Variants in SPATS2L observed in about 807,000 individuals in gnomAD.
SPATS2L encodes spermatogenesis associated serine rich 2 like, also known as SPATS2-like protein.
Under a neutral mutation model 59.6 loss-of-function variants are expected in SPATS2L, and 30 were observed. The observed-to-expected ratio is 0.50, with a 90% CI of 0.38 to 0.68. The LOEUF is 0.68. SPATS2L is among the 30% of genes least tolerant of loss of function. The probability of loss-of-function intolerance (pLI) is 0.00; values close to 1 mark genes in which losing one functional copy is unlikely to be tolerated. For missense variants in SPATS2L, 615 were observed against 700.0 expected (o/e 0.88, Z 1.37); for synonymous variants, 252 against 263.5 (o/e 0.96, Z 0.42).
At chr2:200,398,425 T>G (rs2082421356) in intron 3 of SPATS2L, among the ~76,000 whole-genome samples, 1 of 152,204 alleles carries the variant, frequency 6.6e-6, no homozygotes, top group South Asian at 2.1e-4. Context: ...AAATGCAAAC[T>G]CTAGAATTTC....
intron 12 of SPATS2L, among the ~76,000 whole-genome samples, chr2:200,476,488 C>A (rs1004646439): frequency 2.0e-5 from 3 of 152,244 alleles, no homozygotes; most frequent in Non-Finnish European, 2.9e-5. Context: ...AGGAAATTTT[C>A]CTTGACCCCT....
intron 3 of SPATS2L, among the ~76,000 whole-genome samples, chr2:200,405,468 A>G (rs1304586780): frequency 6.6e-6 from 1 of 152,116 alleles, no homozygotes; most frequent in Non-Finnish European, 1.5e-5. Flanking sequence ...CACCTCATGC[A>G]TATTTTTTGC....
chr2:200,444,781 CT>C (rs1310932077), intron 8 of SPATS2L, among the ~76,000 whole-genome samples: 1 of 152,124 alleles, frequency 6.6e-6, no homozygotes, highest in Admixed American at 6.5e-5. Context: ...GAGTTTCCTC[CT>C]TCCCAACAGA....
intron 2 of SPATS2L, among the ~76,000 whole-genome samples, chr2:200,348,026 CA>C (rs2080577540): frequency 6.6e-6 from 1 of 152,106 alleles, no homozygotes; most frequent in Non-Finnish European, 1.5e-5. Flanking sequence ...CAAATCACAG[CA>C]ATTGTATTTT....
At chr2:200,337,440 G>T (rs374685839) in intron 2 of SPATS2L, among the ~76,000 whole-genome samples, 1 of 152,132 alleles carries the variant, frequency 6.6e-6, no homozygotes, top group Non-Finnish European at 1.5e-5. Context: ...TCCTAACCCC[G>T]AGATTTCTTG....
At chr2:200,310,245 T>C (rs2079150407) in intron 1 of SPATS2L, among the ~76,000 whole-genome samples, 1 of 152,226 alleles carries the variant, frequency 6.6e-6, no homozygotes, top group African/African-American at 2.4e-5. Context: ...ATGAAAAGAC[T>C]TTCCTTTCTT....
chr2:200,440,507 A>G, intron 7 of SPATS2L, 142 bp from the exon 8 acceptor site: 1 of 799,848 alleles, frequency 1.3e-6, no homozygotes, highest in Non-Finnish European at 1.9e-6. Context: ...ACACTGGGTT[A>G]CAAACATTCT....
intron 2 of SPATS2L, 128 bp downstream of exon 2, chr2:200,329,608 T>C (rs1324333966): frequency 8.0e-6 from 6 of 751,916 alleles, no homozygotes; most frequent in Admixed American, 2.3e-5. Context: ...CTCTCAGGGC[T>C]CAACACCAGA....
intron 2 of SPATS2L, among the ~76,000 whole-genome samples, chr2:200,334,004 T>G (rs537628372): frequency 6.6e-6 from 1 of 152,264 alleles, no homozygotes; most frequent in Admixed American, 6.5e-5. Flanking sequence ...TTATAATCCT[T>G]TGGGTATACA....
intron 2 of SPATS2L, among the ~76,000 whole-genome samples, chr2:200,350,207 C>T (rs190144547): frequency 1.2e-4 from 18 of 152,280 alleles, no homozygotes; most frequent in African/African-American, 2.6e-4. Flanking sequence ...GGTGGCCAGA[C>T]GGCTGGCTTC....
Position 200,436,201 on chromosome 2 carries a change from A to G in SPATS2L, c.446-2921A>G, listed in dbSNP as rs140813965. On this transcript the variant is annotated intron_variant, in intron 6 of 12. Transcript: ENST00000409140. The stretch of plus-strand genomic sequence containing the variant: ...TGGTATTTCTGGACTATAATGTTAG[A>G]GGAAAGTCACTGGATACAGTGACTT... Among the ~76,000 whole-genome samples the G allele has an allele frequency of 2.9e-3, 437 of 152,246 alleles. 3 individuals are homozygous for G. Among genetic ancestry groups the G allele is most frequent in the African/African-American group, 1.0e-2 (415 of 41,564 alleles).
At chr2:200,441,473 AAG>A (rs1227798066) in intron 8 of SPATS2L, among the ~76,000 whole-genome samples, 49 of 152,316 alleles carry the variant, frequency 3.2e-4, no homozygotes, top group African/African-American at 1.1e-3. Context: ...TTAAAGACAA[AAG>A]AGAATTTATT....
chr2:200,479,430 A>T lies in SPATS2L; in HGVS notation c.*1399A>T, dbSNP rs958109732. On this transcript the variant is annotated 3_prime_UTR_variant, in exon 13 of 13. Transcript: ENST00000409140. ...GGTAGGCCTGTCTCTTAAACCAATC[A>T]TGAAAGGGGGGAGAGAAGTGAATGG... 1 of 397,454 alleles carries T rather than the reference A, an allele frequency of 2.5e-6. No homozygotes were observed. Among genetic ancestry groups the T allele is most frequent in the Non-Finnish European group, 4.4e-6 (1 of 225,950 alleles). 24.6% of individuals were successfully genotyped at this position (397,454 alleles called of 1,614,324 possible). A position where few individuals can be genotyped will look rare whatever the true frequency, so the allele number is the denominator to read the frequency against.
At chr2:200,342,755 A>G (rs1256551540) in intron 2 of SPATS2L, among the ~76,000 whole-genome samples, 3 of 152,182 alleles carry the variant, frequency 2.0e-5, no homozygotes, top group Non-Finnish European at 4.4e-5. Flanking sequence ...ATAATGAGTT[A>G]TATTTTTCCT....
At chr2:200,457,525 C>T (rs2085931652) in intron 8 of SPATS2L, among the ~76,000 whole-genome samples, 1 of 152,222 alleles carries the variant, frequency 6.6e-6, no homozygotes, top group Non-Finnish European at 1.5e-5. Context: ...ATTTAAAACA[C>T]ACTGACATAC....
chr2:200,325,247 T>C (rs1359516754), intron 1 of SPATS2L, among the ~76,000 whole-genome samples: 3 of 152,232 alleles, frequency 2.0e-5, no homozygotes, highest in African/African-American at 7.2e-5. Context: ...GTGGTTTCTT[T>C]CTCTATCCTC....
chr2:200,322,586 A>G (rs941834314), intron 1 of SPATS2L, among the ~76,000 whole-genome samples: 1 of 152,230 alleles, frequency 6.6e-6, no homozygotes, highest in Non-Finnish European at 1.5e-5. Context: ...TTAAAAAGTC[A>G]GCCATTCGGA....
intron 11 of SPATS2L, among the ~76,000 whole-genome samples, chr2:200,471,424 C>T (rs987103281): frequency 3.9e-5 from 6 of 152,078 alleles, no homozygotes; most frequent in African/African-American, 1.2e-4. Flanking sequence ...CTGTCACCAC[C>T]GATCTCGGGG....
At chr2:200,447,558 C>T (rs369580510) in intron 8 of SPATS2L, among the ~76,000 whole-genome samples, 1 of 152,108 alleles carries the variant, frequency 6.6e-6, no homozygotes, top group Non-Finnish European at 1.5e-5. Flanking sequence ...GCTGTGACAA[C>T]AAGCAAATTT....
Sources: gnomAD v4.1 joint callset for allele counts (sites outside exome capture counted in the v4.1 genomes callset) on GRCh38, gnomAD v4.1.1 for gene constraint, MANE v1.5 for transcripts, NCBI Gene and HGNC (gene_info 2026-07-23, HGNC 2026-07-21) for gene names.